TMPRSS6: variants seen among roughly 807,000 people sequenced by gnomAD.
TMPRSS6 encodes the protein transmembrane protease serine 6.
Under a neutral mutation model 101.5 loss-of-function variants are expected in TMPRSS6, and 67 were observed. The observed-to-expected ratio is 0.66, with a 90% CI of 0.54 to 0.81. TMPRSS6 has a LOEUF of 0.81. Among genes scored for constraint, TMPRSS6 ranks in the 30% least tolerant of loss-of-function variants. The pLI, the probability that TMPRSS6 is intolerant of heterozygous loss-of-function variation, is 0.00. For missense variants in TMPRSS6, 1,034 were observed against 1,088.7 expected (o/e 0.95, Z 0.71); for synonymous variants, 453 against 464.9 (o/e 0.97, Z 0.33).
chr22:37,103,587 G>T lies in TMPRSS6; in HGVS notation c.-1-169C>A. ...GGTGCCGAGACAGCTCACAGAGGAG[G>T]GAAGTGCATCTCAGGTCAGCTCGCA... On this transcript the variant is annotated intron_variant, in intron 1 of 17. Coordinates refer to ENST00000676104, the MANE Select transcript of TMPRSS6 (RefSeq NM_001374504.1). The surrounding 1 kb of genome is among the most constrained non-coding windows in gnomAD (Gnocchi z 4.4). The T allele has an allele frequency of 6.2e-7, 1 of 1,612,872 alleles. No individual in the cohort carries two copies.
rs751254003 is a variant in TMPRSS6, at chr22:37,066,833, G to A, written c.2243C>T (p.Ala748Val). The change falls in exon 17 of 18, where the codon GCC (alanine) becomes GTC (valine). Residue 748 changes from alanine to valine, a missense_variant. Physicochemically the swap from Ala to Val is moderately conservative, Grantham distance 64. Coordinates refer to ENST00000676104, the MANE Select transcript of TMPRSS6 (RefSeq NM_001374504.1). ...CAGYRKGKKD[A>V]CQGDSGGPLV... The stretch of plus-strand genomic sequence containing the variant: ...CATGCCCGGGGGACTCACCTGACAG[G>A]CATCCTTCTTGCCCTTGCGGTAGCC... 1 of 1,614,036 alleles carries A rather than the reference G, an allele frequency of 6.2e-7. No individual in the cohort carries two copies. The highest frequency in any genetic ancestry group is 8.5e-7 in the Non-Finnish European group (1 of 1,180,028).
chr22:37,081,273 C>T (rs1928248297), intron 10 of TMPRSS6, among the ~76,000 whole-genome samples: 2 of 152,236 alleles, frequency 1.3e-5, no homozygotes. Context: ...CTCACTTAGT[C>T]TTCCCAGGGT....
chr22:37,110,137 CTTTTTTTTTTTT>C (rs55809648), upstream of TMPRSS6, among the ~76,000 whole-genome samples: 9 of 87,066 alleles, frequency 1.0e-4, no homozygotes, highest in African/African-American at 4.1e-4. Context: ...CTACCTCGTT[CTTTTTTTTTTTT>C]TTTTTTTTTT....
intron 8 of TMPRSS6, 54 bp from the exon 9 acceptor site, chr22:37,084,893 A>T: frequency 1.4e-6 from 2 of 1,401,356 alleles, no homozygotes; most frequent in Non-Finnish European, 9.8e-7. Context: ...ACCTCCCAGC[A>T]GGCTGGCGCA....
At chr22:37,091,143 G>A (rs1018312494) in intron 6 of TMPRSS6, among the ~76,000 whole-genome samples, 9 of 152,272 alleles carry the variant, frequency 5.9e-5, no homozygotes, top group African/African-American at 1.4e-4. Flanking sequence ...CTGTGTGTTC[G>A]ATCTAGGCAC....
rs765634032 is a variant in TMPRSS6 at position 37,069,174 on chromosome 22, C to T, written c.2012G>A (p.Arg671His). 8 of 1,589,236 alleles carry T rather than the reference C, an allele frequency of 5.0e-6. No homozygotes were observed. The highest frequency in any genetic ancestry group is 1.3e-5 in the African/African-American group (1 of 74,386). ...GCAGACGGGGCGCACGGCGGCCGAG[C>T]GCACCACCGGGTGGTCGAGCTGCAG... is the stretch of plus-strand genomic sequence containing the variant. The part of the protein sequence containing the change: ...ALLQLDHPVV[R>H]SAAVRPVCLP... Residue 671 changes from arginine to histidine, a missense_variant, in exon 16 of 18, where the codon CGC becomes CAC. Transcript: ENST00000676104. The surrounding 1 kb of genome is among the most constrained non-coding windows in gnomAD (Gnocchi z 4.8).
At position 37,069,913 on chromosome 22, in the gene TMPRSS6, G is replaced by A. The variant is rs935866741; in HGVS notation, c.1842-569C>T. On this transcript the variant is annotated intron_variant, in intron 15 of 17. Transcript: ENST00000676104. This position sits in a 1 kb window ranked among gnomAD's most constrained non-coding sequence, Gnocchi z 4.8. ...GAGATGGGGTTAAAGAGAGCTAGGT[G>A]GTCAGAGCGCCCTGCGTCCCAGAGA... is the stretch of plus-strand genomic sequence containing the variant. Among the ~76,000 whole-genome samples, 3 of 152,276 alleles carry A rather than the reference G, an allele frequency of 2.0e-5. No homozygotes were observed. Among genetic ancestry groups the A allele is most frequent in the South Asian group, 4.1e-4 (2 of 4,822 alleles).
At chr22:37,086,527 G>T (rs1455040902) in intron 7 of TMPRSS6, 108 bp from the exon 8 acceptor site, 3 of 1,237,532 alleles carry the variant, frequency 2.4e-6, no homozygotes, top group Non-Finnish European at 3.4e-6. Context: ...TGGACATCTG[G>T]GTTCTGGGTC....
intron 12 of TMPRSS6, among the ~76,000 whole-genome samples, chr22:37,073,878 GA>G (rs1927375179): frequency 6.6e-6 from 1 of 152,208 alleles, no homozygotes; most frequent in African/African-American, 2.4e-5. Context: ...CCGAGTAGCT[GA>G]GATTAATTAC....
At chr22:37,084,689 C>A (rs1181578111) in intron 9 of TMPRSS6, 38 bp downstream of exon 9, 4 of 1,502,730 alleles carry the variant, frequency 2.7e-6, no homozygotes, top group South Asian at 1.2e-5. Context: ...AGTGTGCTTG[C>A]GGCAGAGGGC....
intron 1 of TMPRSS6, among the ~76,000 whole-genome samples, chr22:37,106,609 C>T (rs867123469): frequency 6.6e-6 from 1 of 152,152 alleles, no homozygotes; most frequent in South Asian, 2.1e-4. Flanking sequence ...GCGGCCTCCT[C>T]ACTAGGTCCC....
At chr22:37,088,231 G>C (rs1335337581) in intron 7 of TMPRSS6, among the ~76,000 whole-genome samples, 1 of 152,108 alleles carries the variant, frequency 6.6e-6, no homozygotes, top group Non-Finnish European at 1.5e-5. Flanking sequence ...CTCAGCCCAC[G>C]CACATGCCGC....
Position 37,103,083 on chromosome 22 carries a change from G to A in TMPRSS6, c.202+133C>T, listed in dbSNP as rs754816130. Reference sequence around the variant, plus strand: ...AGGGAGGGAGACCCAGAGAACAGAAGTGACTTGCCCAAGGTCACACAGCAA... The same window carrying A: ...AGGGAGGGAGACCCAGAGAACAGAAATGACTTGCCCAAGGTCACACAGCAA... On this transcript the variant is annotated intron_variant, in intron 2 of 17. Coordinates refer to ENST00000676104, the MANE Select transcript of TMPRSS6 (RefSeq NM_001374504.1). This position sits in a 1 kb window ranked among gnomAD's most constrained non-coding sequence, Gnocchi z 4.4. 2.1e-6 allele frequency: 2 copies of A among 930,558 alleles called. No individual in the cohort carries two copies. The highest frequency in any genetic ancestry group is 3.4e-6 in the Non-Finnish European group (2 of 593,036). The allele number at this position is 930,558 out of a possible 1,614,324, so 57.6% of individuals were successfully genotyped here.
intron 6 of TMPRSS6, among the ~76,000 whole-genome samples, chr22:37,093,148 CCT>C (rs961068593): frequency 1.3e-5 from 2 of 152,128 alleles, no homozygotes; most frequent in Admixed American, 1.3e-4. Context: ...ATCTCTGCCC[CCT>C]GAGACTCTGT....
chr22:37,086,871 G>A (rs987745523), intron 7 of TMPRSS6, among the ~76,000 whole-genome samples: 3 of 152,212 alleles, frequency 2.0e-5, no homozygotes, highest in Non-Finnish European at 4.4e-5. Flanking sequence ...GGCAGGTGTG[G>A]TCTCGTGACC....
intron 10 of TMPRSS6, among the ~76,000 whole-genome samples, chr22:37,081,756 G>A (rs1314760647): frequency 1.3e-5 from 2 of 152,212 alleles, no homozygotes; most frequent in Admixed American, 6.5e-5. Flanking sequence ...AGGCAGAAAA[G>A]ACAGGGACAA....
At chr22:37,096,939 C>G (rs1265689254) in intron 3 of TMPRSS6, among the ~76,000 whole-genome samples, 2 of 152,202 alleles carry the variant, frequency 1.3e-5, no homozygotes, top group Non-Finnish European at 2.9e-5. Flanking sequence ...ACCCGACTCT[C>G]ACCTCCACCT....
chr22:37,069,039 C>T lies in TMPRSS6; in HGVS notation c.2113+34G>A, dbSNP rs1252236211. 7 of 1,533,788 alleles carry T rather than the reference C, an allele frequency of 4.6e-6. No individual in the cohort carries two copies. The highest frequency in any genetic ancestry group is 3.5e-6 in the Non-Finnish European group (4 of 1,146,404). On this transcript the variant is annotated intron_variant, in intron 16 of 17. Coordinates refer to ENST00000676104, the MANE Select transcript of TMPRSS6 (RefSeq NM_001374504.1). The surrounding 1 kb of genome is among the most constrained non-coding windows in gnomAD (Gnocchi z 4.8). ...TTACGGCGCAGATCCGCACGGTCTCCCTCCGCCTCCCGCCGCAAGTCCCCG... is the reference window on the plus strand; with the variant it reads ...TTACGGCGCAGATCCGCACGGTCTCTCTCCGCCTCCCGCCGCAAGTCCCCG...
intron 3 of TMPRSS6, among the ~76,000 whole-genome samples, chr22:37,098,095 G>A (rs112363051): frequency 8.6e-6 from 1 of 116,948 alleles, no homozygotes; most frequent in Non-Finnish European, 1.9e-5. Flanking sequence ...AACGGAGGGG[G>A]AGGAGCGGGC....
Sources: gnomAD v4.1 joint callset for allele counts (sites outside exome capture counted in the v4.1 genomes callset) on GRCh38, gnomAD v4.1.1 for gene constraint, Gnocchi (gnomAD v3.1) non-coding constraint, MANE v1.5 for transcripts, NCBI Gene and HGNC (gene_info 2026-07-23, HGNC 2026-07-21) for gene names.